Variants in ARL9 observed in about 807,000 individuals in gnomAD.
The protein encoded by ARL9 is ARF like GTPase 9, also known as ADP-ribosylation factor-like protein 9.
In ARL9, 14 loss-of-function variants were observed where a neutral mutation model predicts 27.0. That is an observed-to-expected ratio of 0.52 (90% CI 0.34 to 0.81). The LOEUF is 0.81. Ranked by LOEUF, ARL9 falls within the 30% of genes least tolerant of loss-of-function variation. The pLI is 0.01. For missense variants in ARL9, 294 were observed against 290.0 expected (o/e 1.01, Z -0.10); for synonymous variants, 106 against 108.7 (o/e 0.98, Z 0.15).
intron 1 of ARL9, among the ~76,000 whole-genome samples, chr4:56,509,827 C>T (rs949784544): frequency 3.3e-5 from 5 of 151,536 alleles, no homozygotes; most frequent in Admixed American, 3.3e-4. Flanking sequence ...CCTGCCTCAG[C>T]CTCCCGTGTA....
intron 2 of ARL9, among the ~76,000 whole-genome samples, chr4:56,515,259 A>C (rs1211295975): frequency 8.4e-6 from 1 of 119,552 alleles, no homozygotes; most frequent in Non-Finnish European, 1.8e-5. Flanking sequence ...ACTCCATCTC[A>C]AAAAAAAAAA....
At chr4:56,506,310 C>T (rs897547498) in intron 1 of ARL9, among the ~76,000 whole-genome samples, 169 bp downstream of exon 1, 11 of 152,282 alleles carry the variant, frequency 7.2e-5, no homozygotes, top group Non-Finnish European at 1.5e-4. Context: ...TTTGAACGAC[C>T]CATCCCCTTT....
At chr4:56,509,719 T>C (rs2110143539) in intron 1 of ARL9, among the ~76,000 whole-genome samples, 1 of 147,410 alleles carries the variant, frequency 6.8e-6, no homozygotes, top group South Asian at 2.2e-4. Flanking sequence ...TTTTTTTTTT[T>C]TTTTTTAAGA....
intron 1 of ARL9, among the ~76,000 whole-genome samples, chr4:56,507,960 T>G (rs1294377572): frequency 7.6e-6 from 1 of 131,072 alleles, no homozygotes; most frequent in African/African-American, 3.1e-5. Context: ...AGAGAGATTC[T>G]GTATCAAAAA....
At chr4:56,506,532 C>T (rs1578205645) in intron 1 of ARL9, 1 of 643,070 alleles carries the variant, frequency 1.6e-6, no homozygotes. Flanking sequence ...CACACGCAGG[C>T]CCTCTTTGCA....
At chr4:56,522,264 T>C (rs960078650) in intron 3 of ARL9, among the ~76,000 whole-genome samples, 1 of 151,842 alleles carries the variant, frequency 6.6e-6, no homozygotes, top group African/African-American at 2.4e-5. Context: ...CTACTAAAAA[T>C]AGAAAAATTA....
At chr4:56,521,961 C>T (rs1453703035) in intron 3 of ARL9, among the ~76,000 whole-genome samples, 1 of 151,198 alleles carries the variant, frequency 6.6e-6, no homozygotes, top group African/African-American at 2.4e-5. Context: ...CTTCCCTTCC[C>T]TCCCCTCCAC....
At chr4:56,511,142 C>A in intron 1 of ARL9, 43 bp from the exon 2 acceptor site, 4 of 1,472,700 alleles carry the variant, frequency 2.7e-6, no homozygotes, top group Non-Finnish European at 3.6e-6. Flanking sequence ...AAAAATGAGC[C>A]CCTGATAGCA....
chr4:56,507,697 G>A (rs1315169013), intron 1 of ARL9, among the ~76,000 whole-genome samples: 2 of 151,612 alleles, frequency 1.3e-5, no homozygotes, highest in Non-Finnish European at 2.9e-5. Flanking sequence ...AAAAAAAGCC[G>A]GCGCAGTGGC....
intron 3 of ARL9, among the ~76,000 whole-genome samples, chr4:56,519,558 C>A (rs1045661705): frequency 6.6e-6 from 1 of 151,768 alleles, no homozygotes; most frequent in African/African-American, 2.4e-5. Flanking sequence ...TGCAGCGAAC[C>A]AAGATCGCGC....
At chr4:56,518,894 G>T in intron 3 of ARL9, 41 bp downstream of exon 3, 1 of 1,555,302 alleles carries the variant, frequency 6.4e-7, no homozygotes, top group Admixed American at 1.8e-5. Context: ...CAAGAGTTTT[G>T]TAATACAAGA....
intron 2 of ARL9, among the ~76,000 whole-genome samples, chr4:56,512,165 C>T (rs531321628): frequency 2.0e-5 from 3 of 152,200 alleles, no homozygotes; most frequent in Non-Finnish European, 4.4e-5. Flanking sequence ...CTATGCAAGT[C>T]GGAACCTCCA....
intron 2 of ARL9, among the ~76,000 whole-genome samples, chr4:56,516,597 A>AG (rs895065314): frequency 1.0e-4 from 15 of 146,800 alleles, no homozygotes; most frequent in East Asian, 2.1e-4. Flanking sequence ...AAAAAAAAAA[A>AG]AAAAAGAAAA....
At chr4:56,522,900 C>G (rs1252863565) in intron 3 of ARL9, among the ~76,000 whole-genome samples, 1 of 152,132 alleles carries the variant, frequency 6.6e-6, no homozygotes, top group African/African-American at 2.4e-5. Flanking sequence ...CTCTACTCCC[C>G]AAAATTGGTT....
At chr4:56,512,420 A>G (rs987884247) in intron 2 of ARL9, among the ~76,000 whole-genome samples, 2 of 152,040 alleles carry the variant, frequency 1.3e-5, no homozygotes, top group Non-Finnish European at 2.9e-5. Flanking sequence ...CTCTCCTTTT[A>G]AAAGAGCTTT....
chr4:56,517,182 T>G (rs1721789001), intron 2 of ARL9, among the ~76,000 whole-genome samples: 1 of 152,214 alleles, frequency 6.6e-6, no homozygotes, highest in African/African-American at 2.4e-5. Context: ...TCCACTGATG[T>G]TTAAACTATG....
chr4:56,512,731 G>A (rs915016064), intron 2 of ARL9, among the ~76,000 whole-genome samples: 28 of 151,758 alleles, frequency 1.8e-4, no homozygotes, highest in Middle Eastern at 3.4e-3. Context: ...TAGTAGAGAC[G>A]GGGTTTCACC....
rs563998286 is a variant in ARL9 at position 56,524,210 on chromosome 4, C to T, written c.*334C>T. 48 of 189,398 alleles carry T rather than the reference C, an allele frequency of 2.5e-4. 1 individual carries two copies. The South Asian group carries it at 2.7e-3, about 11-fold the overall frequency. The allele number at this position is 189,398 out of a possible 1,614,324, so 11.7% of individuals were successfully genotyped here. On this transcript the variant is annotated 3_prime_UTR_variant, in exon 4 of 4. Coordinates refer to ENST00000640821, the MANE Select transcript of ARL9 (RefSeq NM_001363794.2). ...TAATCTAAAGATGATTTAAAATACA[C>T]GAGTAGAAGTGTGTAGGTTATATGT...
chr4:56,509,591 A>C (rs147971946), intron 1 of ARL9, among the ~76,000 whole-genome samples: 1,543 of 149,368 alleles, frequency 0.01, 13 homozygotes, highest in African/African-American at 0.036. Flanking sequence ...CTGGAGTGCA[A>C]TGGCGTGATC....
Sources: allele counts gnomAD v4.1 joint callset (sites outside exome capture counted in the v4.1 genomes callset), GRCh38; gene constraint gnomAD v4.1.1; transcripts MANE v1.5; gene names NCBI Gene and HGNC (gene_info 2026-07-23, HGNC 2026-07-21).